The following PDE7B variants were observed in gnomAD, a reference collection of about 807,000 sequenced individuals.
The protein encoded by PDE7B is 3',5'-cyclic-AMP phosphodiesterase 7B.
Under a neutral mutation model 56.2 loss-of-function variants are expected in PDE7B, and 29 were observed. The observed-to-expected ratio is 0.52, with a 90% confidence interval of 0.38 to 0.70. The LOEUF is 0.70. Among genes scored for constraint, PDE7B ranks in the 30% least tolerant of loss-of-function variants. The probability of loss-of-function intolerance (pLI) is 0.00; values close to 1 mark genes in which losing one functional copy is unlikely to be tolerated. For missense variants in PDE7B, 490 were observed against 565.0 expected (o/e 0.87, Z 1.35); for synonymous variants, 197 against 196.9 (o/e 1.00, Z 0.00).
chr6:136,096,716 A>C (rs1157156021), intron 2 of PDE7B, among the ~76,000 whole-genome samples: 2 of 152,092 alleles, frequency 1.3e-5, no homozygotes, highest in Non-Finnish European at 2.9e-5. Context: ...CATTTCAGTG[A>C]TCATAGTTGA....
intron 2 of PDE7B, among the ~76,000 whole-genome samples, chr6:135,959,287 A>G (rs1016728217): frequency 6.6e-6 from 1 of 152,200 alleles, no homozygotes; most frequent in Non-Finnish European, 1.5e-5. Context: ...ATCATATACT[A>G]CAAATCTGAG....
At chr6:135,934,794 T>A (rs1186023807) in intron 1 of PDE7B, among the ~76,000 whole-genome samples, 32 of 115,310 alleles carry the variant, frequency 2.8e-4, no homozygotes, top group Non-Finnish European at 4.5e-4. Flanking sequence ...ATATATATTT[T>A]AAATATATAT....
At chr6:136,150,413 A>T (rs1778489962) in intron 5 of PDE7B, among the ~76,000 whole-genome samples, 2 of 152,100 alleles carry the variant, frequency 1.3e-5, no homozygotes, top group African/African-American at 4.8e-5. Context: ...GTCTAATTTA[A>T]TTCTTCTGCA....
chr6:136,153,134 T>C (rs1039589841), intron 6 of PDE7B, among the ~76,000 whole-genome samples: 4 of 152,220 alleles, frequency 2.6e-5, no homozygotes, highest in African/African-American at 9.6e-5. Context: ...TTTCAATTGA[T>C]TGAGCAAAGA....
intron 2 of PDE7B, among the ~76,000 whole-genome samples, chr6:136,009,328 G>C (rs1056964234): frequency 1.3e-5 from 2 of 151,902 alleles, no homozygotes; most frequent in African/African-American, 4.8e-5. Context: ...GCTCTTTTTT[G>C]GTTCCATATG....
chr6:136,099,440 G>A (rs1222063278), intron 2 of PDE7B, among the ~76,000 whole-genome samples: 1 of 152,074 alleles, frequency 6.6e-6, no homozygotes, highest in African/African-American at 2.4e-5. Context: ...AGCATCTGTT[G>A]TTTCCTGACT....
chr6:135,965,870 T>C (rs980243803), intron 2 of PDE7B, among the ~76,000 whole-genome samples: 1 of 152,258 alleles, frequency 6.6e-6, no homozygotes, highest in African/African-American at 2.4e-5. Flanking sequence ...AGATTTATTC[T>C]GCATGAGATG....
intron 1 of PDE7B, among the ~76,000 whole-genome samples, chr6:135,935,194 A>ATATATATATT (rs1554268036): frequency 1.3e-5 from 1 of 77,234 alleles, no homozygotes; most frequent in African/African-American, 7.4e-5. Flanking sequence ...ATTTATTTAT[A>ATATATATATT]TATATATATA....
intron 2 of PDE7B, among the ~76,000 whole-genome samples, chr6:136,019,382 G>GA (rs369059408): frequency 1.3e-5 from 2 of 148,700 alleles, no homozygotes; most frequent in Admixed American, 6.7e-5. Context: ...TAGTACAGCT[G>GA]AAAAAAAAAG....
At chr6:136,014,531 C>A (rs1775943439) in intron 2 of PDE7B, among the ~76,000 whole-genome samples, 1 of 152,094 alleles carries the variant, frequency 6.6e-6, no homozygotes, top group Non-Finnish European at 1.5e-5. Context: ...AGCTTGCAAG[C>A]TGTAAGCTGG....
chr6:135,991,697 TA>T (rs1775482288), intron 2 of PDE7B, among the ~76,000 whole-genome samples: 2 of 152,282 alleles, frequency 1.3e-5, no homozygotes, highest in South Asian at 2.1e-4. Context: ...TAGTCATGCA[TA>T]AAAAATTGCT....
intron 2 of PDE7B, among the ~76,000 whole-genome samples, chr6:135,982,853 G>T (rs959199898): frequency 2.6e-5 from 4 of 152,090 alleles, no homozygotes; most frequent in African/African-American, 4.8e-5. Flanking sequence ...ACAGAGTGAG[G>T]TTTCTTCAAA....
intron 3 of PDE7B, among the ~76,000 whole-genome samples, chr6:136,141,209 G>A (rs146620967): frequency 0.044 from 6,694 of 152,062 alleles, 469 homozygotes; most frequent in African/African-American, 0.14. Flanking sequence ...CCTTTTCTGC[G>A]TCTATTGAGA....
chr6:136,086,657 G>A (rs1008251211), intron 2 of PDE7B, among the ~76,000 whole-genome samples: 7 of 152,042 alleles, frequency 4.6e-5, no homozygotes, highest in African/African-American at 7.2e-5. Context: ...CAAAAACCTC[G>A]ACACCAATCT....
intron 11 of PDE7B, among the ~76,000 whole-genome samples, chr6:136,183,524 A>G (rs997169880): frequency 2.7e-5 from 4 of 147,144 alleles, no homozygotes; most frequent in African/African-American, 1.0e-4. Flanking sequence ...TGAACCCGGG[A>G]GGCAGAGCTT....
chr6:136,180,684 G>C (rs1779048884), intron 10 of PDE7B, among the ~76,000 whole-genome samples: 1 of 152,224 alleles, frequency 6.6e-6, no homozygotes, highest in African/African-American at 2.4e-5. Context: ...ATCCAGACCA[G>C]TGTGAGGCAA....
At chr6:136,012,335 C>A (rs976956037) in intron 2 of PDE7B, among the ~76,000 whole-genome samples, 8 of 152,182 alleles carry the variant, frequency 5.3e-5, no homozygotes, top group African/African-American at 1.9e-4. Flanking sequence ...AGATCCTACT[C>A]TTTATCAGCA....
intron 2 of PDE7B, among the ~76,000 whole-genome samples, chr6:135,972,470 T>C (rs569542441): frequency 6.6e-6 from 1 of 152,074 alleles, no homozygotes; most frequent in African/African-American, 2.4e-5. Context: ...GTAGCATAAA[T>C]CATAAGTCAT....
At chr6:136,156,242 T>C (rs1778603403) in intron 8 of PDE7B, among the ~76,000 whole-genome samples, 2 of 148,616 alleles carry the variant, frequency 1.3e-5, no homozygotes, top group Non-Finnish European at 1.5e-5. Flanking sequence ...CAGGCTGGAG[T>C]GCAATAGTGC....
Sources: gnomAD v4.1 joint callset for allele counts (sites outside exome capture counted in the v4.1 genomes callset) on GRCh38, gnomAD v4.1.1 for gene constraint, MANE v1.5 for transcripts, NCBI Gene and HGNC (gene_info 2026-07-23, HGNC 2026-07-21) for gene names.